Variants in MIAT observed in about 807,000 individuals in gnomAD.
The protein encoded by MIAT is MI related novel mRNA.
downstream of MIAT, chr22:26,669,676 C>G (rs140451139): frequency 4.0e-3 from 1,596 of 399,120 alleles, 36 homozygotes; most frequent in African/African-American, 0.029. Context: ...AAGTCAGAGC[C>G]TTCTCCCCTT....
chr22:26,647,686 G>A (rs1930260074), intron 2 of MIAT, among the ~76,000 whole-genome samples: 1 of 152,126 alleles, frequency 6.6e-6, no homozygotes, highest in Non-Finnish European at 1.5e-5. Flanking sequence ...GAGACCAGAG[G>A]GGCTGCGAGC....
downstream of MIAT, chr22:26,669,864 GC>G: frequency 5.0e-6 from 2 of 398,794 alleles, no homozygotes; most frequent in Non-Finnish European, 8.8e-6. Flanking sequence ...CCTGAGAAGG[GC>G]CTGGGCTACA....
intron 2 of MIAT, among the ~76,000 whole-genome samples, chr22:26,647,765 G>T (rs1426623089): frequency 1.3e-5 from 2 of 152,080 alleles, no homozygotes; most frequent in Admixed American, 1.3e-4. Flanking sequence ...GAACAGACTG[G>T]GGGGAAGCCC....
downstream of MIAT, chr22:26,672,007 T>C (rs1436244897): frequency 7.5e-6 from 3 of 398,886 alleles, no homozygotes; most frequent in Non-Finnish European, 1.3e-5. Flanking sequence ...CAGCTTTCTT[T>C]TCTGTAGGCA....
downstream of MIAT, chr22:26,671,357 G>A: frequency 5.0e-6 from 2 of 398,946 alleles, no homozygotes; most frequent in Non-Finnish European, 8.8e-6. Flanking sequence ...GCTGGTGGGG[G>A]CGGGAGGCCT....
intron 2 of MIAT, among the ~76,000 whole-genome samples, chr22:26,655,381 G>A (rs1930408705): frequency 2.0e-5 from 3 of 152,198 alleles, no homozygotes; most frequent in Non-Finnish European, 2.9e-5. Context: ...AGTGCCTTAC[G>A]GTGTCTGTGG....
At position 26,666,107 on chromosome 22, in the gene MIAT, G is replaced by A. The variant is rs544767738; in HGVS notation, n.1306G>A. The A allele has an allele frequency of 1.2e-3, 494 of 398,614 alleles. 4 individuals carry two copies. Among genetic ancestry groups the A allele is most frequent in the Middle Eastern group, 6.3e-4 (1 of 1,588 alleles). 24.7% of individuals were successfully genotyped at this position (398,614 alleles called of 1,614,324 possible). On this transcript the variant is annotated non_coding_transcript_exon_variant, in exon 4 of 6. Coordinates refer to ENST00000643270, the Ensembl canonical transcript of MIAT. ...TGAGCTCATCTCCAGTTCTGGACTC[G>A]TGCCCCCACTCCCGGGTGCTGACAG...
At chr22:26,667,363 CAT>C (rs199622475) in intron 5 of MIAT, 9,619 of 388,538 alleles carry the variant, frequency 0.025, 162 homozygotes, top group Non-Finnish European at 0.034. Flanking sequence ...TGCGTGTGCA[CAT>C]GTGTGTGCAT....
At chr22:26,657,212 A>G in intron 2 of MIAT, 1 of 293,264 alleles carries the variant, frequency 3.4e-6, no homozygotes, top group Non-Finnish European at 6.3e-6. Context: ...TGGACGGGCA[A>G]GCGTTGCCAT....
chr22:26,670,602 T>TAAA (rs34401113), downstream of MIAT: 812 of 309,140 alleles, frequency 2.6e-3, no homozygotes, highest in Middle Eastern at 4.8e-3. Flanking sequence ...CATTGCTCCT[T>TAAA]AAAAAAAAAA....
At chr22:26,664,930 C>A (rs28459203) in intron 3 of MIAT, among the ~76,000 whole-genome samples, 26,259 of 152,196 alleles carry the variant, frequency 0.17, 2,535 homozygotes, top group South Asian at 0.31. Flanking sequence ...CAGGCACTGG[C>A]TAAGCTTTGA....
exon 5 of MIAT, chr22:26,675,467 A>G (rs1931227220): frequency 2.5e-6 from 1 of 398,604 alleles, no homozygotes; most frequent in Non-Finnish European, 4.4e-6. Context: ...CCCAGGTGGA[A>G]CTCAGAGGAG....
At chr22:26,674,557 A>G (rs561501995), downstream of MIAT, 515 of 398,812 alleles carry the variant, frequency 1.3e-3, 2 homozygotes, top group Non-Finnish European at 1.1e-3. Context: ...TTCTCTGGCA[A>G]CTGTGGACTC....
rs117159461 is a variant in MIAT, at chr22:26,659,609, G to A, written n.647-3707G>A. ...TTCCAGCACTTTGGGAGGCTGGGGC[G>A]GGAGGATGGCTTGAACCCAGGAGTT... On this transcript the variant is annotated intron_variant and non_coding_transcript_variant, in intron 2 of 5. Coordinates refer to ENST00000643270, the Ensembl canonical transcript of MIAT. 2.2e-3 allele frequency among the ~76,000 whole-genome samples: 331 copies of A among 151,934 alleles called. 8 individuals carry two copies. In the East Asian group the frequency reaches 0.051, roughly 23 times the overall value.
intron 2 of MIAT, among the ~76,000 whole-genome samples, chr22:26,660,017 G>A (rs1930608251): frequency 6.6e-6 from 1 of 150,896 alleles, no homozygotes; most frequent in Admixed American, 6.6e-5. Context: ...TGGATTTTTT[G>A]TAGAGCCGGG....
intron 2 of MIAT, among the ~76,000 whole-genome samples, chr22:26,657,017 G>A (rs1435023949): frequency 1.3e-5 from 2 of 152,244 alleles, no homozygotes; most frequent in Non-Finnish European, 2.9e-5. Context: ...TTCAAATCTG[G>A]ACTCCACCAT....
chr22:26,652,396 A>T (rs1429960459), intron 2 of MIAT, among the ~76,000 whole-genome samples: 2 of 150,836 alleles, frequency 1.3e-5, no homozygotes, highest in East Asian at 3.9e-4. Context: ...TCACTCTGTC[A>T]CCCAGGCTGG....
At chr22:26,648,450 G>A (rs1410571179) in intron 2 of MIAT, among the ~76,000 whole-genome samples, 1 of 152,086 alleles carries the variant, frequency 6.6e-6, no homozygotes. Flanking sequence ...GGCTCCCTGC[G>A]ACCTCAGGCA....
chr22:26,672,161 C>T (rs555446465), downstream of MIAT: 4 of 399,830 alleles, frequency 1.0e-5, no homozygotes, highest in East Asian at 3.6e-5. Flanking sequence ...GTGCCCTGTC[C>T]GCTGGTGCTG....
Sources: allele counts gnomAD v4.1 joint callset (sites outside exome capture counted in the v4.1 genomes callset), GRCh38; gene constraint gnomAD v4.1.1; transcripts MANE v1.5; gene names NCBI Gene and HGNC (gene_info 2026-07-23, HGNC 2026-07-21).